Variants in NSMCE2 observed in about 807,000 individuals in gnomAD.
The protein encoded by NSMCE2 is NSE2 SUMO ligase component of SMC5/6 complex, also known as E3 SUMO-protein ligase NSE2.
A neutral mutation model predicts 23.8 loss-of-function variants in NSMCE2; 24 were observed. The observed-to-expected ratio is 1.01, with a 90% CI of 0.73 to 1.42. NSMCE2 has a LOEUF of 1.42. NSMCE2 is among the 40% of genes most tolerant of loss of function. NSMCE2 has a pLI of 0.00. For missense variants in NSMCE2, 284 were observed against 296.5 expected (o/e 0.96, Z 0.31); for synonymous variants, 92 against 94.1 (o/e 0.98, Z 0.13).
intron 5 of NSMCE2, among the ~76,000 whole-genome samples, chr8:125,252,426 C>CT (rs1273678915): frequency 6.6e-6 from 1 of 151,952 alleles, no homozygotes; most frequent in African/African-American, 2.4e-5. Flanking sequence ...ACTCGGGAGG[C>CT]GAGACAGGAG....
intron 5 of NSMCE2, among the ~76,000 whole-genome samples, chr8:125,200,977 G>A (rs188200055): frequency 6.6e-6 from 1 of 152,112 alleles, no homozygotes; most frequent in African/African-American, 2.4e-5. Flanking sequence ...TGAAGCTTGT[G>A]CATGCATCAC....
chr8:125,135,364 T>C (rs1820013759), intron 3 of NSMCE2, among the ~76,000 whole-genome samples: 1 of 152,190 alleles, frequency 6.6e-6, no homozygotes, highest in Non-Finnish European at 1.5e-5. Flanking sequence ...ACAGATTCTT[T>C]TGAAGAACAG....
chr8:125,251,607 T>C lies in NSMCE2; in HGVS notation c.418+69351T>C, dbSNP rs1109964. On this transcript the variant is annotated intron_variant, in intron 5 of 7. Transcript: ENST00000287437. ...TTGACTTTTCCAAGTTTCCAGCATATATTCCTGGGCAGAAGATCTCAATAA... is the reference window on the plus strand; with the variant it reads ...TTGACTTTTCCAAGTTTCCAGCATACATTCCTGGGCAGAAGATCTCAATAA... 7.1e-3 allele frequency among the ~76,000 whole-genome samples: 1,082 copies of C among 152,320 alleles called. 9 individuals carry two copies. The highest frequency in any genetic ancestry group is 0.025 in the African/African-American group (1,042 of 41,564).
chr8:125,265,326 A>G (rs948595367), intron 5 of NSMCE2, among the ~76,000 whole-genome samples: 1 of 151,094 alleles, frequency 6.6e-6, no homozygotes, highest in Non-Finnish European at 1.5e-5. Context: ...GGTTCAAGCG[A>G]TTTTCCTACC....
chr8:125,292,914 G>A (rs1274159355), intron 5 of NSMCE2, among the ~76,000 whole-genome samples: 1 of 152,130 alleles, frequency 6.6e-6, no homozygotes, highest in Non-Finnish European at 1.5e-5. Context: ...TCAAATGTTG[G>A]CAGGTCATAC....
chr8:125,274,999 GATAATA>G (rs72261443), intron 5 of NSMCE2, among the ~76,000 whole-genome samples: 79,608 of 142,070 alleles, frequency 0.56, 23,270 homozygotes, highest in Non-Finnish European at 0.64. Flanking sequence ...ATCTGAAGAT[GATAATA>G]ATAATAATAA....
intron 3 of NSMCE2, among the ~76,000 whole-genome samples, chr8:125,134,365 A>G (rs1398905899): frequency 6.6e-6 from 1 of 152,192 alleles, no homozygotes; most frequent in Non-Finnish European, 1.5e-5. Flanking sequence ...GTCTGAAAAT[A>G]TGGGATCTAT....
chr8:125,140,575 G>A (rs987679492), intron 3 of NSMCE2, among the ~76,000 whole-genome samples: 7 of 151,934 alleles, frequency 4.6e-5, no homozygotes, highest in African/African-American at 1.2e-4. Context: ...AGGTTCAATC[G>A]CATGAAGAGG....
intron 3 of NSMCE2, among the ~76,000 whole-genome samples, chr8:125,137,030 G>A (rs1307216153): frequency 1.3e-5 from 2 of 152,072 alleles, no homozygotes; most frequent in Non-Finnish European, 2.9e-5. Context: ...TTTTGGTGGT[G>A]TCAGTGATTT....
intron 3 of NSMCE2, among the ~76,000 whole-genome samples, chr8:125,132,879 G>A (rs1291163505): frequency 6.6e-6 from 1 of 152,124 alleles, no homozygotes; most frequent in African/African-American, 2.4e-5. Context: ...CAGTAACATA[G>A]AACATGAGAT....
At chr8:125,145,346 A>G (rs558386416) in intron 3 of NSMCE2, among the ~76,000 whole-genome samples, 1 of 152,218 alleles carries the variant, frequency 6.6e-6, no homozygotes, top group Admixed American at 6.5e-5. Context: ...AATGTAAATC[A>G]GGGATTATCT....
At chr8:125,311,215 T>TAAGAA (rs1828961623) in intron 5 of NSMCE2, among the ~76,000 whole-genome samples, 4 of 152,156 alleles carry the variant, frequency 2.6e-5, no homozygotes, top group Non-Finnish European at 4.4e-5. Context: ...TCCTTTCTTT[T>TAAGAA]ACCAAAGAAT....
Position 125,107,695 on chromosome 8 carries a change from GA to G in NSMCE2, c.157+5213del, listed in dbSNP as rs1252271777. Among the ~76,000 whole-genome samples the G allele has an allele frequency of 5.3e-5, 8 of 152,036 alleles. No individual in the cohort carries two copies. The East Asian group carries it at 1.4e-3, about 26-fold the overall frequency. ...TACTAATGGTGCAAATGTTAAAAAAGAAAAAGAAAAACAAACAAACCCAGAC... is the reference window on the plus strand; with the variant it reads ...TACTAATGGTGCAAATGTTAAAAAAGAAAAGAAAAACAAACAAACCCAGAC... On this transcript the variant is annotated intron_variant, in intron 3 of 7. Coordinates refer to ENST00000287437, the MANE Select transcript of NSMCE2 (RefSeq NM_173685.4).
chr8:125,261,053 G>A (rs549522462), intron 5 of NSMCE2, among the ~76,000 whole-genome samples: 20 of 152,296 alleles, frequency 1.3e-4, no homozygotes, highest in African/African-American at 4.3e-4. Context: ...GAGAAAAGAA[G>A]CCTCGATATT....
intron 5 of NSMCE2, among the ~76,000 whole-genome samples, chr8:125,198,369 C>T (rs1341656974): frequency 1.3e-5 from 2 of 152,030 alleles, no homozygotes; most frequent in Non-Finnish European, 2.9e-5. Flanking sequence ...TGCATCGATA[C>T]CTAGTTTATT....
chr8:125,190,724 G>A (rs1823307059), intron 5 of NSMCE2, among the ~76,000 whole-genome samples: 1 of 152,138 alleles, frequency 6.6e-6, no homozygotes, highest in African/African-American at 2.4e-5. Context: ...CCTATTGGAT[G>A]ATAGTTATAA....
chr8:125,134,307 A>G (rs893583408), intron 3 of NSMCE2, among the ~76,000 whole-genome samples: 3 of 152,214 alleles, frequency 2.0e-5, no homozygotes, highest in Non-Finnish European at 4.4e-5. Flanking sequence ...AGTTAAATGT[A>G]CTTTTTTAGT....
chr8:125,266,095 T>TC (rs1332046366), intron 5 of NSMCE2, among the ~76,000 whole-genome samples: 2 of 149,414 alleles, frequency 1.3e-5, no homozygotes, highest in Non-Finnish European at 3.0e-5. Flanking sequence ...ATTTTTTCTT[T>TC]TTTTTTTTTT....
At chr8:125,145,743 T>A (rs1820640492) in intron 3 of NSMCE2, among the ~76,000 whole-genome samples, 1 of 152,160 alleles carries the variant, frequency 6.6e-6, no homozygotes, top group South Asian at 2.1e-4. Flanking sequence ...ACATGAAGCC[T>A]TCCAGTATTC....
Sources: gnomAD v4.1 joint callset for allele counts (sites outside exome capture counted in the v4.1 genomes callset) on GRCh38, gnomAD v4.1.1 for gene constraint, MANE v1.5 for transcripts, NCBI Gene and HGNC (gene_info 2026-07-23, HGNC 2026-07-21) for gene names.